Variants in NAA60 observed in about 807,000 individuals in gnomAD.
The protein encoded by NAA60 is N-alpha-acetyltransferase 60, NatF catalytic subunit, also known as N-alpha-acetyltransferase 60.
In NAA60, 8 loss-of-function variants were observed where a neutral mutation model predicts 26.1. The ratio of observed to expected loss-of-function variants is 0.31; its 90% CI spans 0.18 to 0.55. The LOEUF (loss-of-function observed/expected upper bound fraction) is 0.55, where lower values mean the gene tolerates loss of function less well. Ranked by LOEUF, NAA60 falls within the 20% of genes least tolerant of loss-of-function variation. NAA60 has a pLI of 0.93. For missense variants in NAA60, 290 were observed against 311.3 expected (o/e 0.93, Z 0.51); for synonymous variants, 131 against 122.5 (o/e 1.07, Z -0.46).
chr16:3,466,844 G>C (rs1225655425), intron 2 of NAA60, among the ~76,000 whole-genome samples: 1 of 152,174 alleles, frequency 6.6e-6, no homozygotes, highest in Non-Finnish European at 1.5e-5. Flanking sequence ...CAGAGGGACA[G>C]CTGTTGGTGC....
chr16:3,458,192 G>C, intron 2 of NAA60: 1 of 984,568 alleles, frequency 1.0e-6, no homozygotes, highest in Non-Finnish European at 1.2e-6. Flanking sequence ...GTGAGGTGGC[G>C]GGGGGCGGCC....
intron 2 of NAA60, among the ~76,000 whole-genome samples, chr16:3,458,834 G>T (rs888402619): frequency 1.3e-5 from 2 of 152,154 alleles, no homozygotes; most frequent in African/African-American, 4.8e-5. Context: ...TCCAGATTGG[G>T]TACTTCCCAG....
intron 4 of NAA60, among the ~76,000 whole-genome samples, chr16:3,481,001 C>T (rs1194401503): frequency 2.0e-5 from 3 of 152,174 alleles, no homozygotes; most frequent in African/African-American, 7.2e-5. Context: ...TGGTCATACT[C>T]TGTCTGGCAC....
chr16:3,471,959 C>T (rs544127462), intron 2 of NAA60, among the ~76,000 whole-genome samples: 31 of 152,256 alleles, frequency 2.0e-4, no homozygotes, highest in African/African-American at 6.5e-4. Context: ...GTGGCTTTGT[C>T]CCAGAGTTTC....
At chr16:3,466,526 A>G (rs1596319491) in intron 2 of NAA60, among the ~76,000 whole-genome samples, 1 of 152,216 alleles carries the variant, frequency 6.6e-6, no homozygotes, top group African/African-American at 2.4e-5. Context: ...AGTGGCCTGT[A>G]TCTGTCACTA....
At chr16:3,466,604 T>G (rs1385229872) in intron 2 of NAA60, among the ~76,000 whole-genome samples, 2 of 152,246 alleles carry the variant, frequency 1.3e-5, no homozygotes, top group Non-Finnish European at 2.9e-5. Flanking sequence ...GTTGGATTTT[T>G]CAAGCTAGTA....
chr16:3,486,748 A>G lies in NAA60; in HGVS notation c.*1488A>G, dbSNP rs1394164002. 2 of 152,348 alleles carry G rather than the reference A, an allele frequency of 1.3e-5. No homozygotes were observed. Among genetic ancestry groups the G allele is most frequent in the African/African-American group, 4.8e-5 (2 of 41,448 alleles). 9.4% of individuals were successfully genotyped at this position (152,348 alleles called of 1,614,324 possible). A position where few individuals can be genotyped will look rare whatever the true frequency, so the allele number is the denominator to read the frequency against. On this transcript the variant is annotated 3_prime_UTR_variant, in exon 8 of 8. Coordinates refer to ENST00000407558, the MANE Select transcript of NAA60 (RefSeq NM_001083601.3). The stretch of plus-strand genomic sequence containing the variant: ...CAGCTCAGCGCCCTCTCCACTGCGA[A>G]TCAGTGGCGATCATGTGATTTCTAT...
At chr16:3,466,455 G>C (rs562917708) in intron 2 of NAA60, among the ~76,000 whole-genome samples, 1 of 152,226 alleles carries the variant, frequency 6.6e-6, no homozygotes, top group South Asian at 2.1e-4. Flanking sequence ...GCCATGCGCA[G>C]TGTTAGCTGC....
intron 2 of NAA60, among the ~76,000 whole-genome samples, chr16:3,461,142 T>TA (rs59044238): frequency 0.067 from 10,218 of 152,202 alleles, 450 homozygotes; most frequent in South Asian, 0.17. Context: ...CCAAATATCT[T>TA]ACACTGCTGA....
At chr16:3,479,623 G>T (rs1218913645) in intron 4 of NAA60, 23 bp downstream of exon 4, 1 of 1,612,202 alleles carries the variant, frequency 6.2e-7, no homozygotes, top group Non-Finnish European at 8.5e-7. Context: ...GTGCAGTGAG[G>T]ACTTGGCAGT....
rs1596352789 is a variant in NAA60 at position 3,479,692 on chromosome 16, C to T, written c.240+92C>T. The T allele has an allele frequency of 6.8e-6, 10 of 1,467,974 alleles. No homozygotes were observed. The East Asian group carries it at 2.1e-4, about 31-fold the overall frequency. 90.9% of individuals were successfully genotyped at this position (1,467,974 alleles called of 1,614,324 possible). ...TGGAATCATGCTGCCTGCTCCACAG[C>T]CGTCGTCCAAGGAGCCTGTGACCCA... On this transcript the variant is annotated intron_variant, in intron 4 of 7. Transcript: ENST00000407558.
At chr16:3,458,431 G>C (rs1427200128) in intron 2 of NAA60, among the ~76,000 whole-genome samples, 1 of 152,166 alleles carries the variant, frequency 6.6e-6, no homozygotes, top group East Asian at 1.9e-4. Flanking sequence ...TCTCATGCTG[G>C]GTGGGAGTCG....
rs148208372 is a variant in NAA60, at chr16:3,486,863, C to T, written c.*1603C>T. 2 of 152,492 alleles carry T rather than the reference C, an allele frequency of 1.3e-5. No homozygotes were observed. The highest frequency in any genetic ancestry group is 2.9e-5 in the Non-Finnish European group (2 of 68,146). 9.4% of individuals were successfully genotyped at this position (152,492 alleles called of 1,614,324 possible). A position where few individuals can be genotyped will look rare whatever the true frequency, so the allele number is the denominator to read the frequency against. On this transcript the variant is annotated 3_prime_UTR_variant, in exon 8 of 8. Coordinates refer to ENST00000407558, the MANE Select transcript of NAA60 (RefSeq NM_001083601.3). ...CTCAGAGGCCCCACCCTGCCCCACA[C>T]CTGCCCCTGATCACTGCAGTGTCCA...
At chr16:3,465,813 C>T (rs2035722835) in intron 2 of NAA60, among the ~76,000 whole-genome samples, 1 of 152,176 alleles carries the variant, frequency 6.6e-6, no homozygotes, top group Non-Finnish European at 1.5e-5. Flanking sequence ...GGTATGTCCG[C>T]CCCATATAAT....
At chr16:3,463,636 A>G (rs372212748) in intron 2 of NAA60, among the ~76,000 whole-genome samples, 2 of 150,702 alleles carry the variant, frequency 1.3e-5, no homozygotes, top group Admixed American at 6.6e-5. Flanking sequence ...AGGCTGAGGT[A>G]TGAGGATCCT....
chr16:3,457,332 G>A (rs2035044414), intron 2 of NAA60, among the ~76,000 whole-genome samples: 1 of 152,186 alleles, frequency 6.6e-6, no homozygotes, highest in Admixed American at 6.5e-5. Context: ...GCCAGGCATG[G>A]TGGTTCACAC....
At chr16:3,444,008 T>G (rs1161535838) in intron 1 of NAA60, 171 bp downstream of exon 1, 4 of 1,292,732 alleles carry the variant, frequency 3.1e-6, no homozygotes, top group Non-Finnish European at 4.0e-6. Flanking sequence ...GTTCACAACG[T>G]TCACATCGGT....
intron 1 of NAA60, 112 bp downstream of exon 1, chr16:3,443,949 C>G (rs2034444981): frequency 1.1e-5 from 15 of 1,399,976 alleles, no homozygotes; most frequent in East Asian, 2.7e-5. Context: ...TCCTTTGTGT[C>G]TTGAGCGGAT....
At chr16:3,455,520 A>G (rs1341616467) in intron 2 of NAA60, among the ~76,000 whole-genome samples, 3 of 146,034 alleles carry the variant, frequency 2.1e-5, no homozygotes, top group African/African-American at 5.2e-5. Context: ...TCAGCCTCCC[A>G]AGTAGCTGGG....
Sources: allele counts gnomAD v4.1 joint callset (sites outside exome capture counted in the v4.1 genomes callset), GRCh38; gene constraint gnomAD v4.1.1; transcripts MANE v1.5; gene names NCBI Gene and HGNC (gene_info 2026-07-23, HGNC 2026-07-21).